Variants in CNBD2 observed in about 807,000 individuals in gnomAD.
CNBD2 encodes the protein cyclic nucleotide binding domain containing 2.
In CNBD2, 64 loss-of-function variants were observed where a neutral mutation model predicts 63.7. The ratio of observed to expected loss-of-function variants is 1.00; its 90% CI spans 0.82 to 1.24. The LOEUF is 1.24. Ranked by LOEUF, CNBD2 falls within the 50% of genes most tolerant of loss-of-function variation. The probability of loss-of-function intolerance (pLI) is 0.00; values close to 1 mark genes in which losing one functional copy is unlikely to be tolerated. For missense variants in CNBD2, 691 were observed against 713.5 expected (o/e 0.97, Z 0.36); for synonymous variants, 229 against 255.4 (o/e 0.90, Z 0.99).
At chr20:36,002,416 G>A (rs960152577) in intron 8 of CNBD2, among the ~76,000 whole-genome samples, 11 of 151,982 alleles carry the variant, frequency 7.2e-5, no homozygotes, top group Admixed American at 1.3e-4. Context: ...GGAGACCGTG[G>A]GGAGAGGGAG....
chr20:35,968,786 T>A lies in CNBD2; in HGVS notation c.24T>A (p.Tyr8Ter). 1 of 1,609,234 alleles carries A rather than the reference T, an allele frequency of 6.2e-7. No homozygotes were observed. Among genetic ancestry groups the A allele is most frequent in the South Asian group, 1.1e-5 (1 of 89,192 alleles). The change falls in exon 1 of 12, where the codon TAT becomes TAA. Residue 8 changes from tyrosine (Y) to a stop codon, truncating the protein, a stop_gained. Coordinates refer to ENST00000373973, the MANE Select transcript of CNBD2 (RefSeq NM_001365709.1). LOFTEE classifies it high-confidence loss of function. MRRHMVT[Y>*]AWQLLKKELG... ...CCATGAGGAGACATATGGTAACTTA[T>A]GCCTGGCAGCTCCTGAAGAAGGAAC... is the stretch of plus-strand genomic sequence containing the variant.
intron 11 of CNBD2, among the ~76,000 whole-genome samples, chr20:36,027,269 A>T (rs1287810336): frequency 6.6e-6 from 1 of 152,176 alleles, no homozygotes; most frequent in African/African-American, 2.4e-5. Flanking sequence ...AGTGATTCCA[A>T]TGGTAGAGAA....
intron 8 of CNBD2, among the ~76,000 whole-genome samples, chr20:36,001,443 G>A (rs1266944232): frequency 8.6e-5 from 13 of 150,500 alleles, no homozygotes; most frequent in South Asian, 2.1e-4. Flanking sequence ...AGGGGCGGCC[G>A]GGCAGAGGCG....
rs74652950 is a variant in CNBD2, at chr20:35,961,962, C to T, written c.228+4188C>T. Among the ~76,000 whole-genome samples, 393 of 152,276 alleles carry T rather than the reference C, an allele frequency of 2.6e-3. 2 individuals are homozygous for T. Among genetic ancestry groups the T allele is most frequent in the African/African-American group, 8.9e-3 (370 of 41,566 alleles). On this transcript the variant is annotated intron_variant, in intron 2 of 4. Coordinates refer to the CNBD2 transcript ENST00000622112. ...CAGAGCCAGCCTGTCCATCACCATC[C>T]CAATGTTCTACTGAAGGTGTTGTGA...
intron 8 of CNBD2, among the ~76,000 whole-genome samples, chr20:36,007,819 G>C (rs2057005075): frequency 6.6e-6 from 1 of 152,192 alleles, no homozygotes; most frequent in East Asian, 1.9e-4. Context: ...ACCATGCACA[G>C]CCTGTAATTC....
intron 8 of CNBD2, among the ~76,000 whole-genome samples, chr20:36,006,269 C>G (rs1199996386): frequency 6.6e-6 from 1 of 151,842 alleles, no homozygotes; most frequent in Non-Finnish European, 1.5e-5. Flanking sequence ...ACCTCTTGAT[C>G]TGCCCGCCTC....
chr20:36,011,266 G>T lies in CNBD2; in HGVS notation c.1269+9G>T, dbSNP rs370538624. On this transcript the variant is annotated intron_variant, in intron 10 of 11. Coordinates refer to ENST00000373973, the MANE Select transcript of CNBD2 (RefSeq NM_001365709.1). ...AGCAGGGAGAAATTTTGGTGAGTGT[G>T]CCAAGAGCTCTGTTCACCATGGAGT... The T allele has an allele frequency of 3.2e-6, 5 of 1,544,038 alleles. No homozygotes were observed. The African/African-American group carries it at 5.5e-5, about 17-fold the overall frequency.
chr20:36,008,829 A>G (rs1324997210), intron 9 of CNBD2, among the ~76,000 whole-genome samples: 1 of 152,128 alleles, frequency 6.6e-6, no homozygotes, highest in Non-Finnish European at 1.5e-5. Flanking sequence ...AATTCTGTCC[A>G]TCTAAGGAAG....
At chr20:36,009,229 T>G (rs2057024557) in intron 9 of CNBD2, among the ~76,000 whole-genome samples, 1 of 146,966 alleles carries the variant, frequency 6.8e-6, no homozygotes, top group Non-Finnish European at 1.5e-5. Context: ...TGAGATGGAG[T>G]CTTGCACTGT....
intron 11 of CNBD2, 54 bp from the exon 12 acceptor site, chr20:36,030,303 G>C (rs1160524269): frequency 1.3e-6 from 2 of 1,582,006 alleles, no homozygotes; most frequent in African/African-American, 1.3e-5. Context: ...CAGGAGGCAA[G>C]GCTGGAGGGG....
Position 36,002,569 on chromosome 20 carries a change from G to T in CNBD2, c.971-5728G>T, listed in dbSNP as rs549138462. ...GCTTCCCAAAGTGCTGGGATTACAG[G>T]CATAAGCCACTGCACCTGGCCAACA... On this transcript the variant is annotated intron_variant, in intron 8 of 11. Transcript: ENST00000373973. Among the ~76,000 whole-genome samples, 11 of 152,342 alleles carry T rather than the reference G, an allele frequency of 7.2e-5. No homozygotes were observed. The South Asian group carries it at 2.3e-3, about 32-fold the overall frequency.
chr20:35,995,553 G>A (rs550605315), intron 8 of CNBD2, among the ~76,000 whole-genome samples: 2 of 152,200 alleles, frequency 1.3e-5, no homozygotes, highest in East Asian at 3.9e-4. Context: ...CCTTCACTGA[G>A]CACCATGTTT....
upstream of CNBD2, among the ~76,000 whole-genome samples, chr20:35,966,390 T>C (rs968442086): frequency 7.2e-4 from 110 of 152,218 alleles, no homozygotes; most frequent in African/African-American, 2.5e-3. Flanking sequence ...TGTCTACCTA[T>C]CAGTTGGAGG....
At chr20:35,986,815 G>T (rs1285848300) in intron 6 of CNBD2, among the ~76,000 whole-genome samples, 2 of 152,220 alleles carry the variant, frequency 1.3e-5, no homozygotes, top group Non-Finnish European at 2.9e-5. Context: ...CTGTGAACGT[G>T]GTGTTCAAGG....
chr20:36,001,882 G>C (rs537157722), intron 8 of CNBD2, among the ~76,000 whole-genome samples: 1 of 150,502 alleles, frequency 6.6e-6, no homozygotes, highest in East Asian at 2.0e-4. Flanking sequence ...ATGGGATGGC[G>C]GCCGGGCAGA....
chr20:36,011,716 A>T (rs2057064022), intron 10 of CNBD2, among the ~76,000 whole-genome samples: 1 of 152,236 alleles, frequency 6.6e-6, no homozygotes. Context: ...TTGTTTGCAG[A>T]TAACATTATT....
intron 8 of CNBD2, among the ~76,000 whole-genome samples, chr20:36,004,282 C>G (rs148669129): frequency 3.9e-5 from 6 of 152,298 alleles, no homozygotes; most frequent in Non-Finnish European, 8.8e-5. Flanking sequence ...GATTAATACT[C>G]AGCTGAGCTT....
In CNBD2 at chr20:35,972,803, A is replaced by G. The variant is rs373943019; in HGVS notation, c.189+37A>G. ...GGCTCAGCAGGATTATGAGGGCTCA[A>G]AGAAGCCCAATAAATTGCATCCCAC... is the stretch of plus-strand genomic sequence containing the variant. On this transcript the variant is annotated intron_variant, in intron 2 of 11. Transcript: ENST00000373973. The G allele has an allele frequency of 5.0e-6, 8 of 1,606,484 alleles. No homozygotes were observed. In the African/African-American group the frequency reaches 5.4e-5, roughly 11 times the overall value.
At chr20:35,992,988 G>A (rs1260924663) in intron 7 of CNBD2, among the ~76,000 whole-genome samples, 1 of 151,932 alleles carries the variant, frequency 6.6e-6, no homozygotes, top group East Asian at 1.9e-4. Flanking sequence ...TGATGGCATC[G>A]AAAACTTAAT....
Sources: allele counts gnomAD v4.1 joint callset (sites outside exome capture counted in the v4.1 genomes callset), GRCh38; gene constraint gnomAD v4.1.1; transcripts MANE v1.5; gene names NCBI Gene and HGNC (gene_info 2026-07-23, HGNC 2026-07-21).